The following CPS1 variants were observed in gnomAD, a reference collection of about 807,000 sequenced individuals.
CPS1 encodes carbamoyl-phosphate synthase [ammonia], mitochondrial.
CPS1 carries 109 observed loss-of-function variants against 174.6 expected under a neutral mutation model. That is an observed-to-expected ratio of 0.62 (90% CI 0.53 to 0.73). CPS1 has a LOEUF of 0.73. CPS1 is among the 30% of genes least tolerant of loss of function. CPS1 has a pLI of 0.00. For synonymous variants in CPS1, 637 were observed against 632.0 expected (o/e 1.01, Z -0.12); for missense variants, 1,689 against 1,821.9 (o/e 0.93, Z 1.33).
At chr2:210,571,855 T>TTGTGTGTGTGTGTG (rs71043997) in intron 1 of CPS1, among the ~76,000 whole-genome samples, 2 of 139,646 alleles carry the variant, frequency 1.4e-5, no homozygotes, top group Non-Finnish European at 3.2e-5. Context: ...CTACTAAAGT[T>TTGTGTGTGTGTGTG]TGTGTGTGTG....
intron 1 of CPS1, among the ~76,000 whole-genome samples, chr2:210,487,994 A>G (rs1484682631): frequency 6.6e-6 from 1 of 152,192 alleles, no homozygotes. Context: ...TCTTTTAAAA[A>G]AAGGGCATCT....
At chr2:210,664,829 G>A (rs532782526) in intron 33 of CPS1, among the ~76,000 whole-genome samples, 36 of 152,170 alleles carry the variant, frequency 2.4e-4, no homozygotes, top group Admixed American at 3.3e-4. Flanking sequence ...ATAATATTAC[G>A]AGGTCTGTTT....
In CPS1 at chr2:210,549,218, G is replaced by GA. The variant is rs1696652451; in HGVS notation, c.4-7499dup. On this transcript the variant is annotated intron_variant, in intron 1 of 38. Transcript: ENST00000430249. ...ACCTCACAGCTAGGGTTGCTCTTTA[G>GA]AATCTTGCAAAATCATTTGTTTACT... Among the ~76,000 whole-genome samples the GA allele has an allele frequency of 4.6e-5, 7 of 152,024 alleles. No homozygotes were observed. In the South Asian group the frequency reaches 1.2e-3, roughly 27 times the overall value.
At chr2:210,588,006 T>C in intron 6 of CPS1, 52 bp from the exon 7 acceptor site, 1 of 1,533,892 alleles carries the variant, frequency 6.5e-7, no homozygotes, top group Non-Finnish European at 9.0e-7. Flanking sequence ...GATTTTGGTC[T>C]GTTGCCCATA....
chr2:210,524,390 C>G (rs1487332220), intron 1 of CPS1, among the ~76,000 whole-genome samples: 1 of 151,820 alleles, frequency 6.6e-6, no homozygotes, highest in Non-Finnish European at 1.5e-5. Flanking sequence ...GTACTGTATG[C>G]TAGTTAATAT....
intron 31 of CPS1, among the ~76,000 whole-genome samples, chr2:210,659,370 C>A (rs993542124): frequency 6.6e-6 from 1 of 152,074 alleles, no homozygotes; most frequent in Non-Finnish European, 1.5e-5. Flanking sequence ...ACTGAAGAAA[C>A]CAGACTTTTT....
At position 210,607,022 on chromosome 2, in the gene CPS1, A is replaced by G; in HGVS notation, c.2192+81A>G. The stretch of plus-strand genomic sequence containing the variant: ...AAATTGACAGATAGTGGAAGACTGT[A>G]CTGCATTTACAAACTATGTTCCCTT... On this transcript the variant is annotated intron_variant, in intron 18 of 37. Coordinates refer to ENST00000233072, the MANE Select transcript of CPS1 (RefSeq NM_001875.5). The G allele has an allele frequency of 2.4e-6, 3 of 1,244,298 alleles. No homozygotes were observed. In the East Asian group the frequency reaches 7.3e-5, roughly 30 times the overall value. The allele number at this position is 1,244,298 out of a possible 1,614,324, so 77.1% of individuals were successfully genotyped here.
intron 1 of CPS1, among the ~76,000 whole-genome samples, chr2:210,546,326 C>T (rs1226281901): frequency 1.3e-5 from 2 of 152,018 alleles, no homozygotes; most frequent in African/African-American, 2.4e-5. Context: ...ATTTAGATCA[C>T]ACAACGTGAA....
intron 1 of CPS1, among the ~76,000 whole-genome samples, chr2:210,495,421 CA>C (rs1056101260): frequency 6.6e-6 from 1 of 152,134 alleles, no homozygotes; most frequent in Non-Finnish European, 1.5e-5. Flanking sequence ...AGTAGTCACA[CA>C]AGTCATATTT....
At chr2:210,656,043 C>A (rs533807709) in intron 29 of CPS1, among the ~76,000 whole-genome samples, 2 of 151,994 alleles carry the variant, frequency 1.3e-5, no homozygotes, top group Non-Finnish European at 2.9e-5. Flanking sequence ...TTTTTCCTTT[C>A]GACTCCTTCC....
At chr2:210,579,809 G>GGTGTGT (rs35833900) in intron 5 of CPS1, 39 bp downstream of exon 5, 195 of 1,338,520 alleles carry the variant, frequency 1.5e-4, no homozygotes, top group African/African-American at 1.5e-3. Context: ...TGTTTCTTCG[G>GGTGTGT]GTGTGTGTGT....
At chr2:210,528,454 T>C (rs1156788317) in intron 1 of CPS1, among the ~76,000 whole-genome samples, 2 of 151,998 alleles carry the variant, frequency 1.3e-5, no homozygotes, top group African/African-American at 4.8e-5. Context: ...CATGTAATGC[T>C]CAATCTTATT....
chr2:210,556,891 T>C, intron 1 of CPS1, 32 bp downstream of exon 1: 2 of 1,609,692 alleles, frequency 1.2e-6, no homozygotes, highest in Non-Finnish European at 1.7e-6. Context: ...TCTGATAAAA[T>C]ACTATGGGGT....
chr2:210,478,742 C>T (rs1015850829), intron 1 of CPS1, among the ~76,000 whole-genome samples: 2 of 152,172 alleles, frequency 1.3e-5, no homozygotes, highest in Non-Finnish European at 2.9e-5. Context: ...CTTTTTACCT[C>T]TTATATTTAA....
chr2:210,553,331 A>G (rs1696778777), upstream of CPS1, among the ~76,000 whole-genome samples: 1 of 152,020 alleles, frequency 6.6e-6, no homozygotes, highest in South Asian at 2.1e-4. Flanking sequence ...TAAATATCAA[A>G]TGAAAGTGAA....
rs769257945 is a variant in CPS1, at chr2:210,648,449, T to G, written c.3337-24T>G. On this transcript the variant is annotated intron_variant, in intron 26 of 37. Coordinates refer to ENST00000233072, the MANE Select transcript of CPS1 (RefSeq NM_001875.5). ...GCATATTTTAAACTACTCATACATT[T>G]TTATTGTTGTTTCTATTAATTAGAA... 73 of 1,594,802 alleles carry G rather than the reference T, an allele frequency of 4.6e-5. No individual in the cohort carries two copies. The highest frequency in any genetic ancestry group is 6.0e-5 in the Non-Finnish European group (70 of 1,163,214).
chr2:210,648,407 C>T, intron 26 of CPS1, 66 bp from the exon 27 acceptor site: 2 of 1,338,280 alleles, frequency 1.5e-6, no homozygotes, highest in Non-Finnish European at 2.1e-6. Flanking sequence ...GCTAATGATA[C>T]ATTCTGTAAT....
intron 21 of CPS1, among the ~76,000 whole-genome samples, chr2:210,625,886 A>C (rs1699685099): frequency 1.3e-5 from 2 of 152,070 alleles, no homozygotes; most frequent in African/African-American, 4.8e-5. Flanking sequence ...AACAGTGAAA[A>C]TCTGACTATG....
chr2:210,503,295 G>A (rs997214660), intron 1 of CPS1, among the ~76,000 whole-genome samples: 1 of 152,138 alleles, frequency 6.6e-6, no homozygotes, highest in Non-Finnish European at 1.5e-5. Context: ...GAAGCTTCGT[G>A]GGGGAATGAC....
Sources: allele counts gnomAD v4.1 joint callset (sites outside exome capture counted in the v4.1 genomes callset), GRCh38; gene constraint gnomAD v4.1.1; transcripts MANE v1.5; gene names NCBI Gene and HGNC (gene_info 2026-07-23, HGNC 2026-07-21).